POGLUT1: variants seen among roughly 807,000 people sequenced by gnomAD.
POGLUT1 encodes 9630046K23Rik.
A neutral mutation model predicts 61.3 loss-of-function variants in POGLUT1; 32 were observed. The ratio of observed to expected loss-of-function variants is 0.52; its 90% CI spans 0.39 to 0.70. The LOEUF (loss-of-function observed/expected upper bound fraction) is 0.70. Among genes scored for constraint, POGLUT1 ranks in the 30% least tolerant of loss-of-function variants. POGLUT1 has a pLI of 0.00. For missense variants in POGLUT1, 411 were observed against 469.8 expected, an observed-to-expected ratio of 0.87 and a Z score of 1.16; for synonymous variants, 158 against 158.2, an observed-to-expected ratio of 1.00 and a Z score of 0.01.
In POGLUT1 at chr3:119,471,427, G is replaced by A. The variant is rs2081472695; in HGVS notation, c.295G>A (p.Glu99Lys). 3.1e-6 allele frequency: 5 copies of A among 1,614,082 alleles called. No individual in the cohort carries two copies. In the South Asian group the frequency reaches 5.5e-5, roughly 18 times the overall value. ...GATCACTAAGAACAGACTGTACCGG[G>A]AAAATGACTGCATGTTCCCCTCAAG... ...YQITKNRLYR[E>K]NDCMFPSRCS... The change falls in exon 3 of 11, where the codon GAA (glutamate) becomes AAA (lysine). Residue 99 changes from glutamate (E) to lysine (K), a missense_variant. Coordinates refer to ENST00000295588, the MANE Select transcript of POGLUT1 (RefSeq NM_152305.3).
chr3:119,488,054 G>C (rs944628171), intron 7 of POGLUT1: 2 of 152,176 alleles, frequency 1.3e-5, no homozygotes, highest in South Asian at 4.1e-4. Context: ...TACCATATGA[G>C]GATGCTATGA....
intron 1 of POGLUT1, 72 bp downstream of exon 1, chr3:119,469,178 C>A: frequency 2.5e-6 from 3 of 1,220,396 alleles, no homozygotes; most frequent in Non-Finnish European, 3.5e-6. Context: ...CGCTCCCCCG[C>A]GCGGCCGGCT....
Position 119,480,130 on chromosome 3 carries a change from C to T in POGLUT1, c.536C>T (p.Thr179Ile). Residue 179 changes from threonine (T) to isoleucine (I), a missense_variant, in exon 5 of 11, where the codon ACA (threonine) becomes ATA (isoleucine). Coordinates refer to ENST00000295588, the MANE Select transcript of POGLUT1 (RefSeq NM_152305.3). The stretch of plus-strand genomic sequence containing the variant: ...CCTGCTGTTTGGCCAATTTATCCTA[C>T]AGGTCTTGGACGGTGGGACCTCTTC... The part of the protein sequence containing the change: ...GGPAVWPIYP[T>I]GLGRWDLFRE... 1 of 1,612,472 alleles carries T rather than the reference C, an allele frequency of 6.2e-7. No individual in the cohort carries two copies. The highest frequency in any genetic ancestry group is 2.2e-5 in the East Asian group (1 of 44,836).
chr3:119,482,613 G>A (rs2081618677), intron 5 of POGLUT1, among the ~76,000 whole-genome samples: 1 of 152,084 alleles, frequency 6.6e-6, no homozygotes, highest in Admixed American at 6.6e-5. Flanking sequence ...TTATTCAATT[G>A]AATTTATTCA....
Position 119,485,216 on chromosome 3 carries a change from C to CA in POGLUT1, c.579-100dup, listed in dbSNP as rs11382133. ...TGGACGACAGTGCGAGACTCCGTCT[C>CA]AAAAAAAAAAAAGAAATATGAAGCT... On this transcript the variant is annotated intron_variant, in intron 5 of 10. Transcript: ENST00000295588. The CA allele has an allele frequency of 0.17, 99,854 of 575,224 alleles. 2,804 individuals carry two copies. Among genetic ancestry groups the CA allele is most frequent in the African/African-American group, 0.27 (12,407 of 46,152 alleles). The allele number at this position is 575,224 out of a possible 1,614,324, so 35.6% of individuals were successfully genotyped here.
At chr3:119,489,453 G>A (rs1367781337) in intron 8 of POGLUT1, 3 of 153,526 alleles carry the variant, frequency 2.0e-5, no homozygotes, top group African/African-American at 7.2e-5. Context: ...AAAATTCTGG[G>A]ACTAAGAATT....
At chr3:119,477,872 A>G (rs1254464850) in intron 4 of POGLUT1, among the ~76,000 whole-genome samples, 1 of 152,212 alleles carries the variant, frequency 6.6e-6, no homozygotes, top group Non-Finnish European at 1.5e-5. Flanking sequence ...CCCATCTGTC[A>G]CCATATTCCG....
intron 4 of POGLUT1, chr3:119,478,504 T>A (rs937198803): frequency 9.3e-5 from 41 of 443,136 alleles, no homozygotes; most frequent in Admixed American, 6.3e-4. Flanking sequence ...GTGTTTGTTA[T>A]CTATCTGTTG....
intron 6 of POGLUT1, 97 bp from the exon 7 acceptor site, chr3:119,486,736 T>A: frequency 1.2e-6 from 1 of 814,794 alleles, no homozygotes. Flanking sequence ...TTGTGCAGAG[T>A]CATTGCATTG....
intron 7 of POGLUT1, chr3:119,488,713 G>A (rs2081702716): frequency 2.9e-6 from 1 of 345,556 alleles, no homozygotes; most frequent in African/African-American, 2.1e-5. Flanking sequence ...TTAAAACTCT[G>A]TCTTCTATTT....
intron 3 of POGLUT1, among the ~76,000 whole-genome samples, chr3:119,473,683 G>A (rs1468882722): frequency 7.4e-5 from 11 of 148,580 alleles, no homozygotes; most frequent in Non-Finnish European, 1.2e-4. Flanking sequence ...TTTTGAGAGA[G>A]AGAATCTCAC....
chr3:119,473,911 G>A (rs963128750), intron 3 of POGLUT1, among the ~76,000 whole-genome samples: 11 of 151,948 alleles, frequency 7.2e-5, no homozygotes, highest in South Asian at 2.1e-4. Context: ...TGCCTGCCTC[G>A]GCCTCCCAAA....
At chr3:119,479,861 C>G (rs747039633) in intron 4 of POGLUT1, 190 bp from the exon 5 acceptor site, 2 of 1,408,738 alleles carry the variant, frequency 1.4e-6, no homozygotes, top group South Asian at 2.5e-5. Flanking sequence ...ATTCAGTGAG[C>G]CCATGACTTT....
At chr3:119,473,984 C>T (rs1393089381) in intron 3 of POGLUT1, among the ~76,000 whole-genome samples, 1 of 152,104 alleles carries the variant, frequency 6.6e-6, no homozygotes, top group African/African-American at 2.4e-5. Context: ...ATCTATGTGA[C>T]ATTTTAAAAA....
chr3:119,472,580 G>A (rs1018265912), intron 3 of POGLUT1, among the ~76,000 whole-genome samples: 7 of 152,146 alleles, frequency 4.6e-5, no homozygotes, highest in Admixed American at 6.5e-5. Context: ...GCCAGCTGTG[G>A]TGGCGCATGC....
At chr3:119,481,371 C>T (rs944398478) in intron 5 of POGLUT1, among the ~76,000 whole-genome samples, 6 of 152,146 alleles carry the variant, frequency 3.9e-5, no homozygotes, top group Non-Finnish European at 7.3e-5. Context: ...CATTTTACAT[C>T]ATGATTCAAA....
At chr3:119,492,075 A>G (rs1224531841) in intron 10 of POGLUT1, among the ~76,000 whole-genome samples, 3 of 152,078 alleles carry the variant, frequency 2.0e-5, no homozygotes, top group Non-Finnish European at 4.4e-5. Flanking sequence ...TAAATAAATA[A>G]ATAAATAAAG....
At position 119,477,350 on chromosome 3, in the gene POGLUT1, G is replaced by A. The variant is rs757112530; in HGVS notation, c.358G>A (p.Gly120Arg). ...GVEHFILEVI[G>R]RLPDMEMVIN... ...TGAGCACTTTATTTTGGAAGTGATC[G>A]GGCGTCTCCCTGACATGGAGATGGT... is the stretch of plus-strand genomic sequence containing the variant. Residue 120 changes from glycine (G) to arginine (R), a missense_variant, in exon 4 of 11, where the codon GGG becomes AGG. Physicochemically the swap from Gly to Arg is moderately radical, Grantham distance 125 (BLOSUM62 -2). Coordinates refer to ENST00000295588, the MANE Select transcript of POGLUT1 (RefSeq NM_152305.3). The A allele has an allele frequency of 7.4e-6, 12 of 1,613,880 alleles. No homozygotes were observed. The highest frequency in any genetic ancestry group is 1.7e-4 in the Middle Eastern group (1 of 6,060).
intron 5 of POGLUT1, among the ~76,000 whole-genome samples, chr3:119,484,955 G>T (rs958409801): frequency 6.6e-6 from 1 of 152,150 alleles, no homozygotes; most frequent in Non-Finnish European, 1.5e-5. Context: ...AGTGGCTCAC[G>T]CCTGTAATCC....
Sources: allele counts gnomAD v4.1 joint callset (sites outside exome capture counted in the v4.1 genomes callset), GRCh38; gene constraint gnomAD v4.1.1; transcripts MANE v1.5; gene names NCBI Gene and HGNC (gene_info 2026-07-23, HGNC 2026-07-21).